WWOX: variants seen among roughly 807,000 people sequenced by gnomAD.
The protein encoded by WWOX is WW domain-containing oxidoreductase.
Under a neutral mutation model 46.2 loss-of-function variants are expected in WWOX, and 69 were observed. That is an observed-to-expected ratio of 1.49 (90% CI 1.23 to 1.82). WWOX has a LOEUF of 1.82. Among genes scored for constraint, WWOX ranks in the 40% most tolerant of loss-of-function variants. The probability of loss-of-function intolerance (pLI) is 0.00; values close to 1 mark genes in which losing one functional copy is unlikely to be tolerated. For synonymous variants in WWOX, 359 were observed against 202.6 expected, an observed-to-expected ratio of 1.77 and a Z score of -6.56; for missense variants, 919 against 542.6, an observed-to-expected ratio of 1.69 and a Z score of -6.89.
At chr16:79,093,768 T>C (rs571373703) in intron 8 of WWOX, among the ~76,000 whole-genome samples, 1 of 152,350 alleles carries the variant, frequency 6.6e-6, no homozygotes, top group East Asian at 1.9e-4. Context: ...TCTCCAATCA[T>C]TGATACTTTT....
In WWOX at chr16:78,483,652, A is replaced by T. The variant is rs544879150; in HGVS notation, c.1056+50900A>T. ...GGGCTGCATCGCTTACCAATATTTCATCTGTTTCACTTAGCTGCTGTTACT... is the reference window on the plus strand; with the variant it reads ...GGGCTGCATCGCTTACCAATATTTCTTCTGTTTCACTTAGCTGCTGTTACT... On this transcript the variant is annotated intron_variant, in intron 8 of 8. Transcript: ENST00000566780. Among the ~76,000 whole-genome samples the T allele has an allele frequency of 1.4e-3, 206 of 152,106 alleles. 2 individuals carry two copies. In the South Asian group the frequency reaches 0.042, roughly 31 times the overall value.
chr16:78,199,388 G>T (rs2036160606), intron 5 of WWOX, among the ~76,000 whole-genome samples: 3 of 152,130 alleles, frequency 2.0e-5, no homozygotes, highest in Admixed American at 6.6e-5. Context: ...TCTATGGATT[G>T]ACTGTAAAAT....
chr16:79,065,100 A>G (rs2048418706), intron 8 of WWOX, among the ~76,000 whole-genome samples: 1 of 152,150 alleles, frequency 6.6e-6, no homozygotes, highest in Non-Finnish European at 1.5e-5. Flanking sequence ...CTTACTTATT[A>G]TTAGTGTTCT....
At chr16:78,421,095 C>T (rs192852477) in intron 6 of WWOX, among the ~76,000 whole-genome samples, 24 of 152,056 alleles carry the variant, frequency 1.6e-4, no homozygotes, top group African/African-American at 4.8e-4. Flanking sequence ...TGGGCATAAA[C>T]GTTTATATGA....
chr16:78,785,209 C>G (rs16948473), intron 8 of WWOX, among the ~76,000 whole-genome samples: 2 of 152,224 alleles, frequency 1.3e-5, no homozygotes, highest in Non-Finnish European at 2.9e-5. Context: ...CTTTTGCTAG[C>G]AGGCGCTCTC....
At chr16:78,105,065 G>T (rs2032054604) in intron 1 of WWOX, among the ~76,000 whole-genome samples, 1 of 152,226 alleles carries the variant, frequency 6.6e-6, no homozygotes, top group Non-Finnish European at 1.5e-5. Flanking sequence ...TGCAGGGGAC[G>T]GCTGGCAATG....
chr16:79,068,368 G>A (rs928474947), intron 8 of WWOX, among the ~76,000 whole-genome samples: 13 of 152,138 alleles, frequency 8.5e-5, no homozygotes, highest in African/African-American at 2.9e-4. Context: ...GAGTTGTTCA[G>A]TGGTAAGGTG....
At chr16:78,216,091 C>G (rs1456573334) in intron 5 of WWOX, among the ~76,000 whole-genome samples, 1 of 152,212 alleles carries the variant, frequency 6.6e-6, no homozygotes, top group Non-Finnish European at 1.5e-5. Context: ...GTCAGCCACA[C>G]TGCCTGTCTC....
intron 8 of WWOX, among the ~76,000 whole-genome samples, chr16:79,151,334 C>T (rs994422974): frequency 1.3e-5 from 2 of 152,186 alleles, no homozygotes; most frequent in African/African-American, 4.8e-5. Flanking sequence ...ACTAACAAAA[C>T]GTCTCCAGCA....
At chr16:78,781,406 T>C (rs1427656143) in intron 8 of WWOX, among the ~76,000 whole-genome samples, 3 of 152,054 alleles carry the variant, frequency 2.0e-5, no homozygotes, top group Admixed American at 1.3e-4. Context: ...TACTACCCCC[T>C]CCCACCTCTA....
intron 8 of WWOX, among the ~76,000 whole-genome samples, chr16:78,435,638 T>A (rs1228692648): frequency 6.6e-6 from 1 of 152,118 alleles, no homozygotes; most frequent in Non-Finnish European, 1.5e-5. Flanking sequence ...CGTGAGCATT[T>A]CCCTTGTAGT....
intron 8 of WWOX, among the ~76,000 whole-genome samples, chr16:78,527,285 T>A (rs1251483517): frequency 7.4e-6 from 1 of 135,474 alleles, no homozygotes; most frequent in African/African-American, 2.6e-5. Flanking sequence ...TATCTCGCTC[T>A]TTTTTTCTTT....
intron 5 of WWOX, among the ~76,000 whole-genome samples, chr16:78,320,025 T>C (rs894877998): frequency 8.5e-5 from 13 of 152,248 alleles, no homozygotes; most frequent in Admixed American, 2.6e-4. Flanking sequence ...TTAGCACTTA[T>C]CATGCTGTAT....
intron 8 of WWOX, among the ~76,000 whole-genome samples, chr16:79,059,938 G>A (rs912116618): frequency 6.6e-6 from 1 of 152,000 alleles, no homozygotes; most frequent in Non-Finnish European, 1.5e-5. Flanking sequence ...TGCTGCTTTT[G>A]GTACACTGAG....
chr16:78,578,284 A>ATATATATATATAT (rs1555567122), intron 8 of WWOX, among the ~76,000 whole-genome samples: 5 of 20,838 alleles, frequency 2.4e-4, no homozygotes, highest in Non-Finnish European at 4.0e-4. Flanking sequence ...ATATATATAT[A>ATATATATATATAT]TTTTTTTTTT....
chr16:78,852,314 A>G (rs952387132), intron 8 of WWOX, among the ~76,000 whole-genome samples: 1 of 152,144 alleles, frequency 6.6e-6, no homozygotes, highest in Non-Finnish European at 1.5e-5. Flanking sequence ...GTGATAGCGC[A>G]TGACCTCTGA....
chr16:79,049,374 G>T (rs1037991083), intron 8 of WWOX, among the ~76,000 whole-genome samples: 1 of 152,220 alleles, frequency 6.6e-6, no homozygotes, highest in African/African-American at 2.4e-5. Flanking sequence ...GCACAATTGA[G>T]TAATGTGGAT....
At chr16:78,363,794 G>A (rs1380894546) in intron 5 of WWOX, among the ~76,000 whole-genome samples, 3 of 152,250 alleles carry the variant, frequency 2.0e-5, no homozygotes, top group Admixed American at 6.5e-5. Context: ...AGCTTACAGC[G>A]GAGACAGTGA....
chr16:78,531,822 A>C lies in WWOX; in HGVS notation c.1056+99070A>C, dbSNP rs149430543. Reference sequence around the variant, plus strand: ...GTAGTGAGCCAAACTTGCACAACTGAACTCCAGCCTGGGCGACAGAGGAAG... The same window carrying C: ...GTAGTGAGCCAAACTTGCACAACTGCACTCCAGCCTGGGCGACAGAGGAAG... On this transcript the variant is annotated intron_variant, in intron 8 of 8. Transcript: ENST00000566780. Among the ~76,000 whole-genome samples, 3 of 152,242 alleles carry C rather than the reference A, an allele frequency of 2.0e-5. No individual in the cohort carries two copies. The South Asian group carries it at 6.2e-4, about 32-fold the overall frequency.
Sources: allele counts gnomAD v4.1 joint callset (sites outside exome capture counted in the v4.1 genomes callset), GRCh38; gene constraint gnomAD v4.1.1; transcripts MANE v1.5; gene names NCBI Gene and HGNC (gene_info 2026-07-23, HGNC 2026-07-21).